The following RPL15 variants were observed in gnomAD, a reference collection of about 807,000 sequenced individuals.
RPL15 encodes the protein large ribosomal subunit protein eL15.
For missense variants in RPL15, 161 were observed against 271.8 expected (o/e 0.59, Z 2.87); for synonymous variants, 97 against 95.1 (o/e 1.02, Z -0.12).
rs370602530 is a variant in RPL15 at position 23,920,428 on chromosome 3, A to C, written c.*927A>C. 1 of 985,330 alleles carries C rather than the reference A, an allele frequency of 1.0e-6. No homozygotes were observed. Among genetic ancestry groups the C allele is most frequent in the African/African-American group, 1.7e-5 (1 of 57,248 alleles). The allele number at this position is 985,330 out of a possible 1,614,324, so 61.0% of individuals were successfully genotyped here. On this transcript the variant is annotated 3_prime_UTR_variant, in exon 4 of 4. Coordinates refer to ENST00000307839, the MANE Select transcript of RPL15 (RefSeq NM_002948.5). ...TGCAGTTATTTCTCTTGTTCTGGCC[A>C]AACAACCCTAAAAATCCTTACCATT...
rs1323108774 is a variant in RPL15, at chr3:23,919,541, T to G, written c.*40T>G. On this transcript the variant is annotated 3_prime_UTR_variant, in exon 4 of 4. Transcript: ENST00000307839. ...GTAAAATTCATACTTAATAAACAAT[T>G]TAGGACAGTCATGTCTGCTTACAGG... 3.4e-6 allele frequency: 5 copies of G among 1,485,608 alleles called. No homozygotes were observed. The highest frequency in any genetic ancestry group is 2.4e-5 in the East Asian group (1 of 41,032). The allele number at this position is 1,485,608 out of a possible 1,614,324, so 92.0% of individuals were successfully genotyped here.
At chr3:23,918,924 A>T (rs1704890365) in intron 3 of RPL15, 3 of 527,740 alleles carry the variant, frequency 5.7e-6, no homozygotes, top group African/African-American at 3.8e-5. Context: ...CCAAACCCTA[A>T]ATTTTGTTAC....
At position 23,920,159 on chromosome 3, in the gene RPL15, C is replaced by T. The variant is rs1191999864; in HGVS notation, c.*658C>T. 10 of 985,686 alleles carry T rather than the reference C, an allele frequency of 1.0e-5. No individual in the cohort carries two copies. Among genetic ancestry groups the T allele is most frequent in the Non-Finnish European group, 1.2e-5 (10 of 829,900 alleles). The allele number at this position is 985,686 out of a possible 1,614,324, so 61.1% of individuals were successfully genotyped here. ...ATGCTAGGGTGGGAAGCTGGTGAGC[C>T]AGTGGCCATTAGATAAATACCTTTC... is the stretch of plus-strand genomic sequence containing the variant. On this transcript the variant is annotated 3_prime_UTR_variant, in exon 4 of 4. Coordinates refer to ENST00000307839, the MANE Select transcript of RPL15 (RefSeq NM_002948.5).
rs1348529676 is a variant in RPL15 at position 23,920,520 on chromosome 3, G to A, written c.*1019G>A. ...GAGTATACCACCACATTGCATTTCT[G>A]TTTGCACCATGTCTTCCAGGAGACT... On this transcript the variant is annotated 3_prime_UTR_variant, in exon 4 of 4. Transcript: ENST00000307839. 30 of 985,132 alleles carry A rather than the reference G, an allele frequency of 3.0e-5. No individual in the cohort carries two copies. The highest frequency in any genetic ancestry group is 3.6e-5 in the Non-Finnish European group (30 of 829,810). The allele number at this position is 985,132 out of a possible 1,614,324, so 61.0% of individuals were successfully genotyped here. A position where few individuals can be genotyped will look rare whatever the true frequency, so the allele number is the denominator to read the frequency against.
At chr3:23,922,251 A>G (rs556223636), downstream of RPL15, 2 of 152,388 alleles carry the variant, frequency 1.3e-5, no homozygotes, top group African/African-American at 4.8e-5. The surrounding 1 kb of genome is among the most constrained non-coding windows in gnomAD (Gnocchi z 4.2). Context: ...TCTCAAAAAT[A>G]ACAATTGGTT....
Position 23,920,544 on chromosome 3 carries a change from C to G in RPL15, c.*1043C>G. ...TGTTTGCACCATGTCTTCCAGGAGA[C>G]TAGACTACTGTTGTCCAGGGTCAAT... is the stretch of plus-strand genomic sequence containing the variant. On this transcript the variant is annotated 3_prime_UTR_variant, in exon 4 of 4. Coordinates refer to ENST00000307839, the MANE Select transcript of RPL15 (RefSeq NM_002948.5). 4.1e-6 allele frequency: 4 copies of G among 985,298 alleles called. No individual in the cohort carries two copies. The South Asian group carries it at 1.9e-4, about 46-fold the overall frequency. 61.0% of individuals were successfully genotyped at this position (985,298 alleles called of 1,614,324 possible). A position where few individuals can be genotyped will look rare whatever the true frequency, so the allele number is the denominator to read the frequency against.
In RPL15 at chr3:23,920,713, G is replaced by A. The variant is rs1378292229; in HGVS notation, c.*1212G>A. ...GACTCAGTTAATTGATTTCCAGGAA[G>A]TACTCATAGCAAGTTCATAAAAGTT... is the stretch of plus-strand genomic sequence containing the variant. On this transcript the variant is annotated 3_prime_UTR_variant, in exon 4 of 4. Coordinates refer to ENST00000307839, the MANE Select transcript of RPL15 (RefSeq NM_002948.5). 1.0e-6 allele frequency: 1 copy of A among 984,480 alleles called. No individual in the cohort carries two copies. The highest frequency in any genetic ancestry group is 1.2e-6 in the Non-Finnish European group (1 of 829,254). 61.0% of individuals were successfully genotyped at this position (984,480 alleles called of 1,614,324 possible).
downstream of RPL15, chr3:23,921,496 C>T: frequency 1.5e-6 from 1 of 664,890 alleles, no homozygotes; most frequent in Non-Finnish European, 2.7e-6. Context: ...ACCCTGACCG[C>T]CCCACAAGCT....
intron 2 of RPL15, 31 bp downstream of exon 2, chr3:23,918,062 A>G (rs1426472206): frequency 5.7e-6 from 9 of 1,586,688 alleles, no homozygotes; most frequent in Non-Finnish European, 8.6e-7. Flanking sequence ...ATGCTTGGAT[A>G]AAATTATATT....
At chr3:23,922,210 CT>C (rs1203068082), downstream of RPL15, 2 of 152,268 alleles carry the variant, frequency 1.3e-5, no homozygotes, top group African/African-American at 2.4e-5. The surrounding 1 kb of genome is among the most constrained non-coding windows in gnomAD (Gnocchi z 4.2). Context: ...CACCACTGCA[CT>C]CCCATCTTGG....
At position 23,919,433 on chromosome 3, in the gene RPL15, A is replaced by T. The variant is rs1198671007; in HGVS notation, c.547A>T (p.Thr183Ser). Residue 183 changes from threonine (T) to serine (S), a missense_variant, in exon 4 of 4, where the codon ACT becomes TCT. Transcript: ENST00000307839. Reference sequence around the variant, plus strand: ...TGGAAAGGGCCACAAGTTCCACCACACTATTGGTGGCTCTCGCCGGGCAGC... The same window carrying T: ...TGGAAAGGGCCACAAGTTCCACCACTCTATTGGTGGCTCTCGCCGGGCAGC... The part of the protein sequence containing the change: ...GLGKGHKFHH[T>S]IGGSRRAAWR... 3 of 1,604,826 alleles carry T rather than the reference A, an allele frequency of 1.9e-6. No individual in the cohort carries two copies. The South Asian group carries it at 3.3e-5, about 18-fold the overall frequency.
chr3:23,919,798 C>T lies in RPL15; in HGVS notation c.*297C>T. 9.2e-7 allele frequency: 1 copy of T among 1,086,342 alleles called. No individual in the cohort carries two copies. Among genetic ancestry groups the T allele is most frequent in the Non-Finnish European group, 1.1e-6 (1 of 894,732 alleles). The allele number at this position is 1,086,342 out of a possible 1,614,324, so 67.3% of individuals were successfully genotyped here. A position where few individuals can be genotyped will look rare whatever the true frequency, so the allele number is the denominator to read the frequency against. On this transcript the variant is annotated 3_prime_UTR_variant, in exon 4 of 4. Coordinates refer to ENST00000307839, the MANE Select transcript of RPL15 (RefSeq NM_002948.5). ...ATTCTTTAAAAGGAGAGAACTGAAACTAGCCCTGTAGATTTGTCTGGTGCA... is the reference window on the plus strand; with the variant it reads ...ATTCTTTAAAAGGAGAGAACTGAAATTAGCCCTGTAGATTTGTCTGGTGCA...
chr3:23,919,728 A>C lies in RPL15; in HGVS notation c.*227A>C. The C allele has an allele frequency of 7.4e-7, 1 of 1,347,090 alleles. No individual in the cohort carries two copies. The highest frequency in any genetic ancestry group is 9.5e-7 in the Non-Finnish European group (1 of 1,052,664). The allele number at this position is 1,347,090 out of a possible 1,614,324, so 83.4% of individuals were successfully genotyped here. A position where few individuals can be genotyped will look rare whatever the true frequency, so the allele number is the denominator to read the frequency against. On this transcript the variant is annotated 3_prime_UTR_variant, in exon 4 of 4. Coordinates refer to ENST00000307839, the MANE Select transcript of RPL15 (RefSeq NM_002948.5). ...TTGCTTTATCTTATTAGGGAGTTGT[A>C]TGTCAGTGTATAAAACATACTGTGT...
Position 23,918,541 on chromosome 3 carries a change from C to A in RPL15, c.274C>A (p.Leu92Ile), listed in dbSNP as rs146413350. The A allele has an allele frequency of 4.2e-5, 67 of 1,613,822 alleles. No homozygotes were observed. The highest frequency in any genetic ancestry group is 2.2e-4 in the Admixed American group (13 of 59,982). Residue 92 changes from leucine to isoleucine, a missense_variant, in exon 3 of 4, where the codon CTA (leucine) becomes ATA (isoleucine). Leu to Ile is a conservative substitution (Grantham distance 5, BLOSUM62 2). Coordinates refer to ENST00000307839, the MANE Select transcript of RPL15 (RefSeq NM_002948.5). Reference sequence around the variant, plus strand: ...GCCTGTCCATCATGGTGTTAACCAGCTAAAGTTTGCTCGAAGCCTTCAGTC... The same window carrying A: ...GCCTGTCCATCATGGTGTTAACCAGATAAAGTTTGCTCGAAGCCTTCAGTC... ...GKPVHHGVNQ[L>I]KFARSLQSVA...
downstream of RPL15, chr3:23,921,570 GTTTTTTTTTTTTT>G: frequency 2.0e-6 from 1 of 508,322 alleles, no homozygotes; most frequent in South Asian, 2.1e-5. Flanking sequence ...TGATTATTGA[GTTTTTTTTTTTTT>G]TTTTTTTTTT....
downstream of RPL15, among the ~76,000 whole-genome samples, chr3:23,921,381 ACCCCAGGCT>A (rs1262453043): frequency 6.6e-6 from 1 of 152,104 alleles, no homozygotes; most frequent in African/African-American, 2.4e-5. Context: ...TGCAGTCCAC[ACCCCAGGCT>A]CCTTGCTGTT....
At chr3:23,918,114 C>A in intron 2 of RPL15, 83 bp downstream of exon 2, 1 of 1,477,352 alleles carries the variant, frequency 6.8e-7, no homozygotes, top group Non-Finnish European at 9.2e-7. Context: ...ACACTGCTGC[C>A]TCAGTGTCTT....
Position 23,919,251 on chromosome 3 carries a change from G to C in RPL15, c.365G>C (p.Gly122Ala). The change falls in exon 4 of 4, where the codon GGT becomes GCT. Residue 122 changes from glycine (G) to alanine (A), a missense_variant. Gly to Ala is a moderately conservative substitution (Grantham distance 60, BLOSUM62 0). Transcript: ENST00000307839. The part of the protein sequence containing the change: ...ALRVLNSYWV[G>A]EDSTYKFFEV... Reference sequence around the variant, plus strand: ...AGAGTCCTGAATTCTTACTGGGTTGGTGAAGATTCCACATACAAATTTTTT... The same window carrying C: ...AGAGTCCTGAATTCTTACTGGGTTGCTGAAGATTCCACATACAAATTTTTT... 1.2e-6 allele frequency: 2 copies of C among 1,613,428 alleles called. No individual in the cohort carries two copies. The highest frequency in any genetic ancestry group is 1.1e-5 in the South Asian group (1 of 91,074).
chr3:23,917,825 T>C, intron 1 of RPL15, 25 bp from the exon 2 acceptor site: 4 of 1,593,468 alleles, frequency 2.5e-6, no homozygotes, highest in Non-Finnish European at 3.4e-6. Flanking sequence ...GCGGATGATA[T>C]TTAATACACA....
Sources: allele counts gnomAD v4.1 joint callset (sites outside exome capture counted in the v4.1 genomes callset), GRCh38; gene constraint gnomAD v4.1.1; non-coding constraint Gnocchi (gnomAD v3.1); transcripts MANE v1.5; gene names NCBI Gene and HGNC (gene_info 2026-07-23, HGNC 2026-07-21).